The following MGAT4C variants were observed in gnomAD, a reference collection of about 807,000 sequenced individuals.
The protein encoded by MGAT4C is MGAT4 family member C.
In MGAT4C, 19 loss-of-function variants were observed where a neutral mutation model predicts 40.1. That is an observed-to-expected ratio of 0.47 (90% CI 0.33 to 0.70). The LOEUF (loss-of-function observed/expected upper bound fraction) is 0.70. Ranked by LOEUF, MGAT4C falls within the 30% of genes least tolerant of loss-of-function variation. The probability of loss-of-function intolerance (pLI) is 0.02; values close to 1 mark genes in which losing one functional copy is unlikely to be tolerated. For synonymous variants in MGAT4C, 181 were observed against 187.1 expected (o/e 0.97, Z 0.27); for missense variants, 491 against 563.2 (o/e 0.87, Z 1.30).
At chr12:86,475,197 T>C (rs1310221857) in intron 2 of MGAT4C, among the ~76,000 whole-genome samples, 3 of 151,892 alleles carry the variant, frequency 2.0e-5, no homozygotes, top group Non-Finnish European at 4.4e-5. Flanking sequence ...AACTGCAAAA[T>C]GGAAGGAAAC....
At chr12:86,800,442 A>C (rs1174612722) in intron 1 of MGAT4C, among the ~76,000 whole-genome samples, 1 of 151,872 alleles carries the variant, frequency 6.6e-6, no homozygotes, top group Non-Finnish European at 1.5e-5. Context: ...ACTTGAATTA[A>C]ATTCCATCTG....
chr12:86,286,239 T>TG (rs913300514), intron 4 of MGAT4C, among the ~76,000 whole-genome samples: 6 of 152,136 alleles, frequency 3.9e-5, no homozygotes, highest in Non-Finnish European at 8.8e-5. Context: ...TAGCCTAGCA[T>TG]GACTTTGGCT....
intron 2 of MGAT4C, among the ~76,000 whole-genome samples, chr12:86,512,300 A>G (rs1958601328): frequency 6.6e-6 from 1 of 152,134 alleles, no homozygotes; most frequent in African/African-American, 2.4e-5. Context: ...AGCATTGTAC[A>G]CTATTGTTGG....
intron 3 of MGAT4C, among the ~76,000 whole-genome samples, chr12:85,987,310 TGTATTTTTA>T (rs1293412405): frequency 1.5e-4 from 22 of 151,250 alleles, no homozygotes; most frequent in Admixed American, 6.6e-5. Flanking sequence ...CTAATTTTTT[TGTATTTTTA>T]GTAGAGACGG....
intron 2 of MGAT4C, among the ~76,000 whole-genome samples, chr12:86,669,949 C>T (rs1180020736): frequency 6.6e-6 from 1 of 151,684 alleles, no homozygotes; most frequent in Non-Finnish European, 1.5e-5. Flanking sequence ...AGCCAGAAAG[C>T]CCTGCCCAGC....
intron 1 of MGAT4C, among the ~76,000 whole-genome samples, chr12:86,807,404 G>A (rs1355173525): frequency 6.6e-6 from 1 of 152,028 alleles, no homozygotes; most frequent in African/African-American, 2.4e-5. Flanking sequence ...ACGTTGGTTT[G>A]CTGAGGATAA....
chr12:86,367,100 T>G (rs1258479230), intron 3 of MGAT4C, among the ~76,000 whole-genome samples: 1 of 152,024 alleles, frequency 6.6e-6, no homozygotes, highest in Non-Finnish European at 1.5e-5. Flanking sequence ...AGGAGCACTG[T>G]CATCTCAGAC....
At chr12:86,053,440 A>G (rs1893084707) in intron 1 of MGAT4C, among the ~76,000 whole-genome samples, 1 of 151,922 alleles carries the variant, frequency 6.6e-6, no homozygotes. Flanking sequence ...AACACAGAAG[A>G]GCAAACAGAG....
intron 1 of MGAT4C, among the ~76,000 whole-genome samples, chr12:86,177,988 G>C (rs1476557401): frequency 6.6e-6 from 1 of 152,150 alleles, no homozygotes; most frequent in African/African-American, 2.4e-5. Context: ...CCAGGCTGGA[G>C]TGCAGTGGCG....
intron 2 of MGAT4C, among the ~76,000 whole-genome samples, chr12:86,524,716 A>C (rs1281677527): frequency 6.6e-6 from 1 of 152,050 alleles, no homozygotes; most frequent in African/African-American, 2.4e-5. Context: ...TGAGTCTTAC[A>C]TTTGGTATCT....
chr12:86,212,091 A>G (rs2135961247), intron 1 of MGAT4C, among the ~76,000 whole-genome samples: 1 of 152,338 alleles, frequency 6.6e-6, no homozygotes, highest in South Asian at 2.1e-4. Flanking sequence ...GTATAGCCCT[A>G]GAATCATCAT....
At chr12:86,120,678 C>A (rs991950601) in intron 1 of MGAT4C, among the ~76,000 whole-genome samples, 2 of 152,182 alleles carry the variant, frequency 1.3e-5, no homozygotes, top group Non-Finnish European at 2.9e-5. Context: ...AGCTGAGGAT[C>A]CTGACTGTTA....
At chr12:86,364,257 C>T (rs1444704482) in intron 3 of MGAT4C, among the ~76,000 whole-genome samples, 2 of 152,000 alleles carry the variant, frequency 1.3e-5, no homozygotes, top group Non-Finnish European at 2.9e-5. Flanking sequence ...AAAGCCACTA[C>T]AACAAATAAA....
chr12:86,508,381 C>T (rs942637260), intron 2 of MGAT4C, among the ~76,000 whole-genome samples: 4 of 152,286 alleles, frequency 2.6e-5, no homozygotes, highest in African/African-American at 7.2e-5. Context: ...CTACAAAGGA[C>T]ATGAACTCAA....
intron 3 of MGAT4C, among the ~76,000 whole-genome samples, chr12:86,371,191 C>G (rs948007958): frequency 6.6e-6 from 1 of 151,948 alleles, no homozygotes. Context: ...TTCCCAGCAT[C>G]CTATATCTTA....
At chr12:86,321,825 G>A (rs993836002) in intron 4 of MGAT4C, among the ~76,000 whole-genome samples, 1 of 152,048 alleles carries the variant, frequency 6.6e-6, no homozygotes, top group Non-Finnish European at 1.5e-5. Context: ...AGATTCCTCA[G>A]GGATCTAGAA....
chr12:86,197,112 A>T (rs1452020553), intron 1 of MGAT4C, among the ~76,000 whole-genome samples: 1 of 152,152 alleles, frequency 6.6e-6, no homozygotes, highest in Non-Finnish European at 1.5e-5. Context: ...ACCTTCCACA[A>T]GAGACTAGAA....
At chr12:86,779,391 T>C (rs1201821464) in intron 1 of MGAT4C, among the ~76,000 whole-genome samples, 1 of 151,586 alleles carries the variant, frequency 6.6e-6, no homozygotes, top group African/African-American at 2.4e-5. Flanking sequence ...GCCCAGGAGT[T>C]TGAGACCAGC....
intron 1 of MGAT4C, among the ~76,000 whole-genome samples, chr12:86,060,107 C>CA (rs778583410): frequency 1.5e-4 from 23 of 151,760 alleles, no homozygotes; most frequent in Non-Finnish European, 3.1e-4. Context: ...TCAGTTTTTC[C>CA]AAAAAAAGTG....
Sources: gnomAD v4.1 joint callset for allele counts (sites outside exome capture counted in the v4.1 genomes callset) on GRCh38, gnomAD v4.1.1 for gene constraint, MANE v1.5 for transcripts, NCBI Gene and HGNC (gene_info 2026-07-23, HGNC 2026-07-21) for gene names.